Variants in LRP1 observed in about 807,000 individuals in gnomAD.
LRP1 encodes LDL receptor related protein 1.
Under a neutral mutation model 541.5 loss-of-function variants are expected in LRP1, and 51 were observed. The observed-to-expected ratio is 0.09, with a 90% confidence interval of 0.08 to 0.12. The LOEUF is 0.12. LRP1 is among the 10% of genes least tolerant of loss of function. LRP1 has a pLI of 1.00. For synonymous variants in LRP1, 2,219 were observed against 2,470.8 expected (o/e 0.90, Z 3.02); for missense variants, 3,878 against 6,376.2 (o/e 0.61, Z 13.34).
rs768310852 is a variant in LRP1 at position 57,165,842 on chromosome 12, A to C, written c.2568A>C (p.Pro856=). The C allele has an allele frequency of 1.2e-6, 2 of 1,614,230 alleles. No individual in the cohort carries two copies. The highest frequency in any genetic ancestry group is 1.7e-6 in the Non-Finnish European group (2 of 1,180,044). ...ACGTGCCTCCACCCCAGTGCCAGCC[A>C]GGCGAGTTTGCCTGTGCCAACAGCC... ...PSYVPPPQCQ[P]GEFACANSRC... The change falls in exon 16 of 89, where the codon CCA becomes CCC. Residue 856 remains proline, a synonymous_variant. Transcript: ENST00000243077. This position sits in a 1 kb window ranked among gnomAD's most constrained non-coding sequence, Gnocchi z 4.5.
chr12:57,199,457 G>A (rs990987792), intron 61 of LRP1, 57 bp downstream of exon 61: 13 of 1,559,164 alleles, frequency 8.3e-6, no homozygotes, highest in Non-Finnish European at 1.1e-5. Flanking sequence ...GGGGTCCCTG[G>A]GAGTTCCTGC....
In LRP1 at chr12:57,195,285, G is replaced by A. The variant is rs761544053; in HGVS notation, c.8323G>A (p.Gly2775Ser). 14 of 1,613,946 alleles carry A rather than the reference G, an allele frequency of 8.7e-6. No homozygotes were observed. The highest frequency in any genetic ancestry group is 1.6e-4 in the Middle Eastern group (1 of 6,062). Residue 2775 changes from glycine to serine, a missense_variant, in exon 52 of 89, where the codon GGC becomes AGC. Physicochemically the swap from Gly to Ser is moderately conservative, Grantham distance 56. Transcript: ENST00000243077. ...EAAHCEGKTCGPSSFSCPGTH... is the reference protein window; with the variant it reads ...EAAHCEGKTCSPSSFSCPGTH... ...TCCCCCTACAGAAGGCAAGACGTGC[G>A]GCCCCTCCTCCTTCTCCTGCCCTGG... is the stretch of plus-strand genomic sequence containing the variant.
chr12:57,132,915 T>C (rs546225720), intron 1 of LRP1, among the ~76,000 whole-genome samples: 1 of 152,262 alleles, frequency 6.6e-6, no homozygotes, highest in South Asian at 2.1e-4. Context: ...CCAGACCCAG[T>C]GTCCAGTTCA....
chr12:57,210,372 A>G lies in LRP1; in HGVS notation c.12646A>G (p.Arg4216Gly), dbSNP rs2036882569. The change falls in exon 82 of 89, where the codon AGG (arginine) becomes GGG (glycine). Residue 4216 changes from arginine to glycine, a missense_variant. This residue lies in a region of LRP1 where 871 missense variants were observed against 1,212.4 expected (regional missense o/e 0.72). Transcript: ENST00000243077. ...NGGSCFLNAR[R>G]QPKCRCQPRY... ...TGGCAGCTGTTTCCTCAATGCACGG[A>G]GGCAGCCCAAGTGCCGCTGCCAACC... The G allele has an allele frequency of 3.7e-6, 6 of 1,605,204 alleles. No homozygotes were observed. In the South Asian group the frequency reaches 5.6e-5, roughly 15 times the overall value.
Position 57,173,324 on chromosome 12 carries a change from G to C in LRP1, c.3320G>C (p.Ser1107Thr). 7 of 1,613,766 alleles carry C rather than the reference G, an allele frequency of 4.3e-6. No individual in the cohort carries two copies. Among genetic ancestry groups the C allele is most frequent in the Non-Finnish European group, 5.9e-6 (7 of 1,179,720 alleles). ...CEGVTHVCDP[S>T]VKFGCKDSAR... is the part of the protein sequence containing the mutation. ...GGAGTGACCCACGTCTGCGATCCCA[G>C]TGTCAAGTTTGGCTGCAAGGACTCA... The change falls in exon 21 of 89, where the codon AGT (serine) becomes ACT (threonine). Residue 1107 changes from serine to threonine, a missense_variant. Physicochemically the swap from Ser to Thr is moderately conservative, Grantham distance 58 (BLOSUM62 1). Transcript: ENST00000243077. The surrounding 1 kb of genome is among the most constrained non-coding windows in gnomAD (Gnocchi z 4.7).
In LRP1 at chr12:57,145,240, G is replaced by A. The variant is rs745365515; in HGVS notation, c.591G>A (p.Arg197=). The A allele has an allele frequency of 6.2e-7, 1 of 1,614,066 alleles. No individual in the cohort carries two copies. Among genetic ancestry groups the A allele is most frequent in the Non-Finnish European group, 8.5e-7 (1 of 1,180,024 alleles). Residue 197 remains arginine (R), a synonymous_variant, in exon 6 of 89, where the codon CGG becomes CGA. Coordinates refer to ENST00000243077, the MANE Select transcript of LRP1 (RefSeq NM_002332.3). ...SCKAKNEPVD[R]PPVLLIANSQ... ...CCCCATTCCCAGAGCCAGTAGACCGGCCCCCTGTGCTGTTGATAGCCAACT... is the reference window on the plus strand; with the variant it reads ...CCCCATTCCCAGAGCCAGTAGACCGACCCCCTGTGCTGTTGATAGCCAACT...
rs2036553933 is a variant in LRP1 at position 57,197,201 on chromosome 12, G to C, written c.9076+36G>C. 1.2e-6 allele frequency: 2 copies of C among 1,613,928 alleles called. No homozygotes were observed. Among genetic ancestry groups the C allele is most frequent in the Non-Finnish European group, 1.7e-6 (2 of 1,179,932 alleles). ...CGCTTGGAGGGCATGAGGTGACCCA[G>C]GCTGTGTGGGACTGCCCGGGTGGCA... On this transcript the variant is annotated intron_variant, in intron 56 of 88. Transcript: ENST00000243077. The surrounding 1 kb of genome is among the most constrained non-coding windows in gnomAD (Gnocchi z 4.5).
rs1315226761 is a variant in LRP1 at position 57,199,998 on chromosome 12, C to T, written c.9987C>T (p.Thr3329=). The T allele has an allele frequency of 6.3e-7, 1 of 1,597,094 alleles. No individual in the cohort carries two copies. The highest frequency in any genetic ancestry group is 8.5e-7 in the Non-Finnish European group (1 of 1,175,012). ...TCTACCTGGGCAGCGATGGGCGCAC[C>T]TGTGTGTCCAACTGCACGGCTAGCC... The part of the protein sequence containing the change: ...TNFYLGSDGR[T]CVSNCTASQF... Residue 3329 remains threonine (T), a synonymous_variant, in exon 62 of 89, where the codon ACC becomes ACT. Coordinates refer to ENST00000243077, the MANE Select transcript of LRP1 (RefSeq NM_002332.3).
chr12:57,208,857 GGCCCGGCTC>G, intron 78 of LRP1, 40 bp downstream of exon 78: 1 of 1,521,278 alleles, frequency 6.6e-7, no homozygotes, highest in Non-Finnish European at 9.1e-7. Context: ...GCATGGAGGG[GGCCCGGCTC>G]GCAGAGCCCA....
chr12:57,159,973 C>T lies in LRP1; in HGVS notation c.1947C>T (p.His649=). ...RKTLIEGKMT[H]PRAIVVDPLN... is the part of the protein sequence containing the mutation. ...CTTTAATCGAGGGCAAAATGACACA[C>T]CCCAGGGCTATTGTGGTGGATCCAC... The change falls in exon 12 of 89, where the codon CAC becomes CAT. Residue 649 remains histidine, a synonymous_variant. Transcript: ENST00000243077. 1.2e-6 allele frequency: 2 copies of T among 1,614,138 alleles called. No individual in the cohort carries two copies. The highest frequency in any genetic ancestry group is 1.1e-5 in the South Asian group (1 of 91,074).
chr12:57,165,571 T>C lies in LRP1; in HGVS notation c.2531-234T>C, dbSNP rs950435530. On this transcript the variant is annotated intron_variant, in intron 15 of 88. Coordinates refer to ENST00000243077, the MANE Select transcript of LRP1 (RefSeq NM_002332.3). The surrounding 1 kb of genome is among the most constrained non-coding windows in gnomAD (Gnocchi z 4.5). Reference sequence around the variant, plus strand: ...GGCTCTCTTGGACACCATTTGATTCTCAGGTCACACTGAAGTACAGTAAGC... The same window carrying C: ...GGCTCTCTTGGACACCATTTGATTCCCAGGTCACACTGAAGTACAGTAAGC... 3 of 508,284 alleles carry C rather than the reference T, an allele frequency of 5.9e-6. No homozygotes were observed. Among genetic ancestry groups the C allele is most frequent in the Middle Eastern group, 5.2e-4 (1 of 1,908 alleles). 31.5% of individuals were successfully genotyped at this position (508,284 alleles called of 1,614,324 possible).
intron 70 of LRP1, chr12:57,203,768 C>G: frequency 2.1e-6 from 1 of 483,578 alleles, no homozygotes. Flanking sequence ...TCTAGGGGAC[C>G]AGTTGAGCTG....
Position 57,179,399 on chromosome 12 carries a change from C to T in LRP1, c.4809C>T (p.Tyr1603=). The T allele has an allele frequency of 1.2e-6, 2 of 1,614,238 alleles. No homozygotes were observed. Among genetic ancestry groups the T allele is most frequent in the East Asian group, 2.2e-5 (1 of 44,890 alleles). Residue 1603 remains tyrosine, a synonymous_variant, in exon 29 of 89, where the codon TAC becomes TAT. Transcript: ENST00000243077. This position sits in a 1 kb window ranked among gnomAD's most constrained non-coding sequence, Gnocchi z 6.8. ...GTGTGGACCTGGATGCTCCCTACTA[C>T]AACTACATCATCTCCTTCACGGTGC... ...IRGVDLDAPY[Y]NYIISFTVPD...
chr12:57,212,619 GAGCCCCTCCCCAGCC>G lies in LRP1; in HGVS notation c.*70_*84del. ...CCCCCTGCCAGTGAAGTCCTTCAGT[GAGCCCCTCCCCAGCC>G]AGCCCTTCCCTGGCCCCGCCGGATG... On this transcript the variant is annotated 3_prime_UTR_variant, in exon 89 of 89. Coordinates refer to ENST00000243077, the MANE Select transcript of LRP1 (RefSeq NM_002332.3). This position sits in a 1 kb window ranked among gnomAD's most constrained non-coding sequence, Gnocchi z 5.0. 6.7e-7 allele frequency: 1 copy of G among 1,486,466 alleles called. No individual in the cohort carries two copies. Among genetic ancestry groups the G allele is most frequent in the East Asian group, 2.3e-5 (1 of 43,454 alleles). The allele number at this position is 1,486,466 out of a possible 1,614,324, so 92.1% of individuals were successfully genotyped here.
intron 6 of LRP1, among the ~76,000 whole-genome samples, chr12:57,153,465 TCA>T (rs1232451634): frequency 6.6e-6 from 1 of 152,288 alleles, no homozygotes; most frequent in East Asian, 1.9e-4. Flanking sequence ...GAGCCATGCC[TCA>T]GTTTGCCCTG....
chr12:57,191,214 G>C, intron 43 of LRP1, 106 bp from the exon 44 acceptor site: 5 of 1,213,380 alleles, frequency 4.1e-6, no homozygotes, highest in Non-Finnish European at 1.2e-6. Flanking sequence ...ATGCCTCTGC[G>C]GGCCCTCATT....
chr12:57,210,882 G>A lies in LRP1; in HGVS notation c.12916+3G>A. Reference sequence around the variant, plus strand: ...CCTGGGCGACCGCTGCCAGTACCGTGAGTGAGCCATCCCTGGGCCCCAGGG... The same window carrying A: ...CCTGGGCGACCGCTGCCAGTACCGTAAGTGAGCCATCCCTGGGCCCCAGGG... On this transcript the variant is annotated splice_donor_region_variant and intron_variant, in intron 83 of 88. Coordinates refer to ENST00000243077, the MANE Select transcript of LRP1 (RefSeq NM_002332.3). 8.1e-6 allele frequency: 13 copies of A among 1,608,184 alleles called. No homozygotes were observed. The highest frequency in any genetic ancestry group is 1.1e-5 in the Non-Finnish European group (13 of 1,176,258).
In LRP1 at chr12:57,200,545, T is replaced by G. The variant is rs759345219; in HGVS notation, c.10108+10T>G. The G allele has an allele frequency of 1.9e-6, 3 of 1,611,000 alleles. No homozygotes were observed. Among genetic ancestry groups the G allele is most frequent in the Middle Eastern group, 3.3e-4 (2 of 6,056 alleles). On this transcript the variant is annotated intron_variant, in intron 63 of 88. Coordinates refer to ENST00000243077, the MANE Select transcript of LRP1 (RefSeq NM_002332.3). Reference sequence around the variant, plus strand: ...GAGCCCCCGGACTGCCGTGAGTGCCTGCTGGGGGTGACAGGAGGGCCCCCA... The same window carrying G: ...GAGCCCCCGGACTGCCGTGAGTGCCGGCTGGGGGTGACAGGAGGGCCCCCA...
intron 22 of LRP1, 66 bp downstream of exon 22, chr12:57,174,046 C>A: frequency 6.6e-7 from 1 of 1,504,480 alleles, no homozygotes; most frequent in Non-Finnish European, 9.1e-7. Flanking sequence ...CAAGGACAGT[C>A]TTTGGGGGAC....
Sources: allele counts gnomAD v4.1 joint callset (sites outside exome capture counted in the v4.1 genomes callset), GRCh38; gene constraint gnomAD v4.1.1; regional missense constraint gnomAD v4.1.1; non-coding constraint Gnocchi (gnomAD v3.1); transcripts MANE v1.5; gene names NCBI Gene and HGNC (gene_info 2026-07-23, HGNC 2026-07-21).